Variants in TGS1 observed in about 807,000 individuals in gnomAD.
TGS1 encodes the protein trimethylguanosine synthase.
A neutral mutation model predicts 92.2 loss-of-function variants in TGS1; 69 were observed. The observed-to-expected ratio is 0.75, with a 90% CI of 0.62 to 0.91. The LOEUF (loss-of-function observed/expected upper bound fraction) is 0.91. Among genes scored for constraint, TGS1 ranks in the 40% least tolerant of loss-of-function variants. The pLI, the probability that TGS1 is intolerant of heterozygous loss-of-function variation, is 0.00. For missense variants in TGS1, 1,062 were observed against 1,001.2 expected (o/e 1.06, Z -0.82); for synonymous variants, 345 against 338.1 (o/e 1.02, Z -0.22).
At position 55,786,535 on chromosome 8, in the gene TGS1, A is replaced by G. The variant is rs530784623; in HGVS notation, c.637A>G (p.Ser213Gly). The G allele has an allele frequency of 4.2e-4, 677 of 1,614,204 alleles. 9 individuals carry two copies. The South Asian group carries it at 6.9e-3, about 17-fold the overall frequency. ...ATATGGAGGAGGACTATTGTGGCAA[A>G]GTTGGCAAGAAAAACATCCGGGTCA... Reference protein sequence around the residue: ...NEYGGGLLWQSWQEKHPGQAL... With the variant: ...NEYGGGLLWQGWQEKHPGQAL... The change falls in exon 4 of 13, where the codon AGT becomes GGT. Residue 213 changes from serine to glycine, a missense_variant. Ser to Gly is a moderately conservative substitution (Grantham distance 56). Transcript: ENST00000260129.
At chr8:55,782,865 T>C (rs1811605572) in intron 2 of TGS1, 53 bp downstream of exon 2, 1 of 1,114,552 alleles carries the variant, frequency 9.0e-7, no homozygotes, top group African/African-American at 1.6e-5. Context: ...AGCCATAATG[T>C]GTTAATTTAT....
chr8:55,786,854 A>T lies in TGS1; in HGVS notation c.956A>T (p.Asp319Val). The change falls in exon 4 of 13, where the codon GAT becomes GTT. Residue 319 changes from aspartate (D) to valine (V), a missense_variant. Physicochemically the swap from Asp to Val is radical, Grantham distance 152. Coordinates refer to ENST00000260129, the MANE Select transcript of TGS1 (RefSeq NM_024831.8). Reference protein sequence around the residue: ...TSDKDHSEILDGISNIKLNSE... With the variant: ...TSDKDHSEILVGISNIKLNSE... ...GATAAGGATCATAGTGAAATACTTGATGGAATTAGTAACATAAAACTGAAT... is the reference window on the plus strand; with the variant it reads ...GATAAGGATCATAGTGAAATACTTGTTGGAATTAGTAACATAAAACTGAAT... The T allele has an allele frequency of 6.2e-7, 1 of 1,614,172 alleles. No individual in the cohort carries two copies. The highest frequency in any genetic ancestry group is 8.5e-7 in the Non-Finnish European group (1 of 1,179,998).
At chr8:55,792,907 C>G (rs1811925486) in intron 6 of TGS1, 123 bp downstream of exon 6, 1 of 663,028 alleles carries the variant, frequency 1.5e-6, no homozygotes, top group Non-Finnish European at 2.6e-6. Flanking sequence ...TAAATCACTT[C>G]TTGTTAGAAT....
At chr8:55,817,351 T>C (rs1414435443) in intron 12 of TGS1, among the ~76,000 whole-genome samples, 1 of 152,208 alleles carries the variant, frequency 6.6e-6, no homozygotes, top group Non-Finnish European at 1.5e-5. Flanking sequence ...GTAATATTTC[T>C]AAAACTTACC....
chr8:55,783,227 T>G (rs990791725), intron 2 of TGS1, among the ~76,000 whole-genome samples: 1 of 152,196 alleles, frequency 6.6e-6, no homozygotes, highest in East Asian at 1.9e-4. Context: ...GAGACCAGCC[T>G]GGCCAACATG....
chr8:55,776,979 TG>T (rs1811419151), intron 1 of TGS1, among the ~76,000 whole-genome samples: 1 of 151,966 alleles, frequency 6.6e-6, no homozygotes, highest in Non-Finnish European at 1.5e-5. Flanking sequence ...GGGTGGTTCT[TG>T]GGTGTTTTTT....
chr8:55,795,557 T>C (rs1812017132), intron 6 of TGS1, among the ~76,000 whole-genome samples: 1 of 152,224 alleles, frequency 6.6e-6, no homozygotes, highest in Non-Finnish European at 1.5e-5. Flanking sequence ...TTTTGTAAGC[T>C]CAGATTGATT....
chr8:55,810,856 C>G (rs755622664), intron 10 of TGS1, 25 bp from the exon 11 acceptor site: 1 of 1,576,464 alleles, frequency 6.3e-7, no homozygotes, highest in Admixed American at 1.7e-5. Flanking sequence ...TCAATTAACT[C>G]ATTTTTTTCT....
rs765338599 is a variant in TGS1 at position 55,804,982 on chromosome 8, G to T, written c.2089G>T (p.Ala697Ser). The T allele has an allele frequency of 1.1e-5, 18 of 1,613,812 alleles. No individual in the cohort carries two copies. The highest frequency in any genetic ancestry group is 1.5e-5 in the Non-Finnish European group (18 of 1,179,930). Reference sequence around the variant, plus strand: ...CTTCAAGTGTGACGTTGTAGTAGACGCATTCTGTGGAGTTGGAGGAAATAC... The same window carrying T: ...CTTCAAGTGTGACGTTGTAGTAGACTCATTCTGTGGAGTTGGAGGAAATAC... Reference protein sequence around the residue: ...QSFKCDVVVDAFCGVGGNTIQ... With the variant: ...QSFKCDVVVDSFCGVGGNTIQ... The change falls in exon 10 of 13, where the codon GCA becomes TCA. Residue 697 changes from alanine to serine, a missense_variant. Ala to Ser is a moderately conservative substitution (Grantham distance 99). Coordinates refer to ENST00000260129, the MANE Select transcript of TGS1 (RefSeq NM_024831.8).
chr8:55,795,661 G>A (rs1812020460), intron 6 of TGS1, among the ~76,000 whole-genome samples: 1 of 152,130 alleles, frequency 6.6e-6, no homozygotes. Context: ...CTAACAAGGG[G>A]ATAGGGTTTT....
intron 2 of TGS1, among the ~76,000 whole-genome samples, chr8:55,784,856 G>A (rs1811663250): frequency 6.6e-6 from 1 of 152,162 alleles, no homozygotes; most frequent in African/African-American, 2.4e-5. Flanking sequence ...ACGTACCAGG[G>A]TTACATGGCC....
chr8:55,803,358 T>G (rs1171647823), intron 9 of TGS1, among the ~76,000 whole-genome samples: 1 of 152,220 alleles, frequency 6.6e-6, no homozygotes. Flanking sequence ...AACTCAGTCT[T>G]GCAGACTGAT....
At chr8:55,821,963 A>G (rs567986430) in intron 12 of TGS1, among the ~76,000 whole-genome samples, 1 of 148,524 alleles carries the variant, frequency 6.7e-6, no homozygotes, top group South Asian at 2.2e-4. Flanking sequence ...TTTCTTTAAA[A>G]TGCTCTTTTA....
intron 12 of TGS1, among the ~76,000 whole-genome samples, chr8:55,819,049 A>G (rs906948739): frequency 3.3e-5 from 5 of 152,104 alleles, no homozygotes; most frequent in African/African-American, 1.2e-4. Flanking sequence ...AGCTAAAACA[A>G]TCCTACCTCA....
At chr8:55,798,765 C>A in intron 7 of TGS1, 149 bp from the exon 8 acceptor site, 2 of 623,028 alleles carry the variant, frequency 3.2e-6, no homozygotes, top group East Asian at 2.8e-5. Flanking sequence ...GTCAGAATTA[C>A]TTACTATTAA....
At chr8:55,780,726 ATTAG>A (rs1811537596) in intron 1 of TGS1, among the ~76,000 whole-genome samples, 1 of 152,114 alleles carries the variant, frequency 6.6e-6, no homozygotes, top group Non-Finnish European at 1.5e-5. Context: ...TACTGCATTT[ATTAG>A]TTAGTATTCT....
Position 55,798,970 on chromosome 8 carries a change from A to G in TGS1, c.1599A>G (p.Glu533=). 10 of 1,613,902 alleles carry G rather than the reference A, an allele frequency of 6.2e-6. No individual in the cohort carries two copies. Among genetic ancestry groups the G allele is most frequent in the Non-Finnish European group, 8.5e-6 (10 of 1,179,980 alleles). Residue 533 remains glutamate (E), a synonymous_variant, in exon 8 of 13, where the codon GAA becomes GAG. Transcript: ENST00000260129. Reference sequence around the variant, plus strand: ...CAATGGATGAAGAAGCATCACAGGAATCATCTTCTCATGACAATGTGCACG... The same window carrying G: ...CAATGGATGAAGAAGCATCACAGGAGTCATCTTCTCATGACAATGTGCACG... ...NKPMDEEASQ[E]SSSHDNVHDA...
chr8:55,821,399 G>C (rs10111695), intron 12 of TGS1, among the ~76,000 whole-genome samples: 24,007 of 151,986 alleles, frequency 0.16, 2,292 homozygotes, highest in African/African-American at 0.27. Context: ...TTTATGAACT[G>C]TTTTGCACAG....
rs575658614 is a variant in TGS1 at position 55,818,455 on chromosome 8, G to C, written c.2439+5337G>C. 3.3e-5 allele frequency among the ~76,000 whole-genome samples: 5 copies of C among 152,294 alleles called. No individual in the cohort carries two copies. In the East Asian group the frequency reaches 9.6e-4, roughly 29 times the overall value. ...GCCACCACGCCCAGCCTGATTCCCA[G>C]TTTTCTAGACCAACTCTGTTCTTGG... is the stretch of plus-strand genomic sequence containing the variant. On this transcript the variant is annotated intron_variant, in intron 12 of 12. Transcript: ENST00000260129.
Sources: gnomAD v4.1 joint callset for allele counts (sites outside exome capture counted in the v4.1 genomes callset) on GRCh38, gnomAD v4.1.1 for gene constraint, MANE v1.5 for transcripts, NCBI Gene and HGNC (gene_info 2026-07-23, HGNC 2026-07-21) for gene names.